TENM3: variants seen among roughly 807,000 people sequenced by gnomAD.
TENM3 encodes teneurin transmembrane protein 3.
In TENM3, 63 loss-of-function variants were observed where a neutral mutation model predicts 255.1. That is an observed-to-expected ratio of 0.25 (90% CI 0.20 to 0.30). The LOEUF (loss-of-function observed/expected upper bound fraction) is 0.30. Among genes scored for constraint, TENM3 ranks in the 10% least tolerant of loss-of-function variants. TENM3 has a pLI of 1.00. For missense variants in TENM3, 2,929 were observed against 3,461.1 expected (o/e 0.85, Z 3.86); for synonymous variants, 1,306 against 1,322.3 (o/e 0.99, Z 0.27).
chr4:182,736,981 G>A lies in TENM3; in HGVS notation c.3141G>A (p.Lys1047=). 7.4e-6 allele frequency: 12 copies of A among 1,613,880 alleles called. No individual in the cohort carries two copies. Among genetic ancestry groups the A allele is most frequent in the Non-Finnish European group, 1.0e-5 (12 of 1,179,814 alleles). ...CTGTAGTAGGAAGACTCTTCCAAAA[G>A]TGGTTTCCTGCCTCACCAAACTTGG... The part of the protein sequence containing the change: ...MVAVVGRLFQ[K]WFPASPNLAY... Residue 1047 remains lysine (K), a synonymous_variant, in exon 17 of 28, where the codon AAG becomes AAA. Coordinates refer to ENST00000511685, the MANE Select transcript of TENM3 (RefSeq NM_001080477.4).
At chr4:181,470,127 A>AAAAAAAAAAAAAG in the TENM3 span, among the ~76,000 whole-genome samples, 3 of 138,958 alleles carry the variant, frequency 2.2e-5, no homozygotes, top group African/African-American at 8.1e-5. Context: ...AAAAAAAAAC[A>AAAAAAAAAAAAAG]TTATTCAAAA....
chr4:181,554,096 G>A, the TENM3 span, among the ~76,000 whole-genome samples: 1 of 152,190 alleles, frequency 6.6e-6, no homozygotes, highest in Admixed American at 6.5e-5. Context: ...GGAGGAGGAA[G>A]AGGATAAGTA....
At chr4:182,451,093 T>C (rs1361854386) in intron 3 of TENM3, among the ~76,000 whole-genome samples, 3 of 152,216 alleles carry the variant, frequency 2.0e-5, no homozygotes, top group African/African-American at 7.2e-5. Flanking sequence ...TAGTTTATCA[T>C]TGCAGCACAT....
At chr4:182,211,407 A>G (rs944917165) in intron 1 of TENM3, among the ~76,000 whole-genome samples, 1 of 152,150 alleles carries the variant, frequency 6.6e-6, no homozygotes, top group Non-Finnish European at 1.5e-5. Context: ...CCACTATAGT[A>G]TGTCTTCTAT....
At chr4:182,735,486 T>C (rs960725815) in intron 16 of TENM3, among the ~76,000 whole-genome samples, 4 of 152,186 alleles carry the variant, frequency 2.6e-5, no homozygotes, top group Non-Finnish European at 5.9e-5. Context: ...ATAGACATCA[T>C]CTTTAACTGT....
At chr4:182,221,289 A>G (rs1000806032) in intron 1 of TENM3, among the ~76,000 whole-genome samples, 28 of 152,236 alleles carry the variant, frequency 1.8e-4, no homozygotes, top group South Asian at 4.1e-4. Context: ...GAGTAATATT[A>G]GAATATTTGA....
rs66892895 is a variant in TENM3, at chr4:182,180,130, GT to G, written c.-76+35388del. Among the ~76,000 whole-genome samples, 58 of 148,272 alleles carry G rather than the reference GT, an allele frequency of 3.9e-4. No homozygotes were observed. In the East Asian group the frequency reaches 4.2e-3, roughly 11 times the overall value. Reference sequence around the variant, plus strand: ...TTCAGGGTAAAAAAAAAATCGAAGAGTTTTTTTTTTTTAAATCTGAATTTTG... The same window carrying G: ...TTCAGGGTAAAAAAAAAATCGAAGAGTTTTTTTTTTTAAATCTGAATTTTG... On this transcript the variant is annotated intron_variant, in intron 1 of 2. Coordinates refer to the TENM3 transcript ENST00000512480.
intron 3 of TENM3, among the ~76,000 whole-genome samples, chr4:182,519,292 T>G (rs73872422): frequency 1.1e-4 from 17 of 152,366 alleles, no homozygotes; most frequent in African/African-American, 3.6e-4. Context: ...TTTTAAAAAC[T>G]TTTAAATGTG....
the TENM3 span, among the ~76,000 whole-genome samples, chr4:181,958,759 T>C: frequency 6.6e-6 from 1 of 152,304 alleles, no homozygotes; most frequent in Non-Finnish European, 1.5e-5. Flanking sequence ...TACTTGATTA[T>C]ACATTGTAGA....
At chr4:182,403,626 G>T (rs914419244) in intron 3 of TENM3, among the ~76,000 whole-genome samples, 3 of 152,188 alleles carry the variant, frequency 2.0e-5, no homozygotes, top group Non-Finnish European at 4.4e-5. Context: ...GTAGTGATGT[G>T]TCTCTGCTAA....
the TENM3 span, among the ~76,000 whole-genome samples, chr4:181,812,561 G>A: frequency 6.6e-6 from 1 of 152,150 alleles, no homozygotes; most frequent in Non-Finnish European, 1.5e-5. Flanking sequence ...ACAGTGACTG[G>A]ACTTAAATAT....
In TENM3 at chr4:182,796,732, G is replaced by A. The variant is rs1019400079; in HGVS notation, c.7309G>A (p.Glu2437Lys). ...PKFDLTEPSY[E>K]LVKSQQWDDI... ...ATTTGATTTAACAGAACCTTCTTAC[G>A]AACTTGTGAAGAGTCAGCAGTGGGA... Residue 2437 changes from glutamate to lysine, a missense_variant, in exon 27 of 28, where the codon GAA becomes AAA. Physicochemically the swap from Glu to Lys is moderately conservative, Grantham distance 56. Around this residue, in one of 6 missense-constraint regions of TENM3, gnomAD observed 476 missense variants for 480.1 expected, o/e 0.99. Coordinates refer to ENST00000511685, the MANE Select transcript of TENM3 (RefSeq NM_001080477.4). 2.5e-6 allele frequency: 4 copies of A among 1,610,778 alleles called. No individual in the cohort carries two copies. The highest frequency in any genetic ancestry group is 1.3e-5 in the African/African-American group (1 of 74,840).
At chr4:181,960,905 T>C in the TENM3 span, among the ~76,000 whole-genome samples, 3 of 152,272 alleles carry the variant, frequency 2.0e-5, no homozygotes, top group Admixed American at 6.5e-5. Flanking sequence ...ACTCTGGTCA[T>C]ATAGAATACC....
At chr4:181,773,806 A>G in the TENM3 span, among the ~76,000 whole-genome samples, 3 of 152,152 alleles carry the variant, frequency 2.0e-5, no homozygotes, top group East Asian at 5.8e-4. Context: ...AATAACCATG[A>G]CACTAAATGA....
the TENM3 span, among the ~76,000 whole-genome samples, chr4:181,568,427 G>A: frequency 9.2e-5 from 14 of 152,116 alleles, no homozygotes; most frequent in East Asian, 1.7e-3. Context: ...CCTGACCTCA[G>A]ATGATCCACC....
intron 2 of TENM3, among the ~76,000 whole-genome samples, chr4:182,342,995 G>A (rs187536791): frequency 1.9e-4 from 29 of 152,256 alleles, no homozygotes; most frequent in Admixed American, 1.9e-3. Flanking sequence ...AGAGGGAGCT[G>A]TGCTATGTGC....
intron 22 of TENM3, among the ~76,000 whole-genome samples, chr4:182,772,087 CCT>C (rs890226856): frequency 6.6e-6 from 1 of 152,096 alleles, no homozygotes; most frequent in Non-Finnish European, 1.5e-5. Context: ...CTCTTTCTTC[CCT>C]CTCTCTACTG....
Position 182,384,038 on chromosome 4 carries a change from A to G in TENM3, c.511+37109A>G, listed in dbSNP as rs192754860. On this transcript the variant is annotated intron_variant, in intron 3 of 27. Coordinates refer to ENST00000511685, the MANE Select transcript of TENM3 (RefSeq NM_001080477.4). Reference sequence around the variant, plus strand: ...TTTGTTTTGGGCACTTCCCTCTCCCATGCTCATTGGGCCTAGGAAGTCAGG... The same window carrying G: ...TTTGTTTTGGGCACTTCCCTCTCCCGTGCTCATTGGGCCTAGGAAGTCAGG... 3.3e-3 allele frequency among the ~76,000 whole-genome samples: 498 copies of G among 152,232 alleles called. 2 individuals are homozygous for G. The highest frequency in any genetic ancestry group is 6.8e-3 in the Middle Eastern group (2 of 294).
chr4:182,786,022 G>C lies in TENM3; in HGVS notation c.5305-3071G>C, dbSNP rs189007219. On this transcript the variant is annotated intron_variant, in intron 24 of 27. Transcript: ENST00000511685. The stretch of plus-strand genomic sequence containing the variant: ...AATGGTTAAAGCCTTGGCTTGTGTT[G>C]GGAATTTGGGAAAAAACATAGCCAC... Among the ~76,000 whole-genome samples, 59 of 152,266 alleles carry C rather than the reference G, an allele frequency of 3.9e-4. No individual in the cohort carries two copies. In the East Asian group the frequency reaches 0.011, roughly 28 times the overall value.
Sources: gnomAD v4.1 joint callset for allele counts (sites outside exome capture counted in the v4.1 genomes callset) on GRCh38, gnomAD v4.1.1 for gene constraint, gnomAD v4.1.1 regional missense constraint, MANE v1.5 for transcripts, NCBI Gene and HGNC (gene_info 2026-07-23, HGNC 2026-07-21) for gene names.